The following PTPN2 variants were observed in gnomAD, a reference collection of about 807,000 sequenced individuals.
PTPN2 encodes protein tyrosine phosphatase non-receptor type 2, also known as tyrosine-protein phosphatase non-receptor type 2.
In PTPN2, 19 loss-of-function variants were observed where a neutral mutation model predicts 57.3. The ratio of observed to expected loss-of-function variants is 0.33; its 90% CI spans 0.23 to 0.49. The LOEUF is 0.49. Ranked by LOEUF, PTPN2 falls within the 20% of genes least tolerant of loss-of-function variation. The probability of loss-of-function intolerance (pLI) is 0.99; values close to 1 mark genes in which losing one functional copy is unlikely to be tolerated. For synonymous variants in PTPN2, 153 were observed against 164.9 expected (o/e 0.93, Z 0.55); for missense variants, 358 against 501.1 (o/e 0.71, Z 2.73).
rs140499343 is a variant in PTPN2 at position 12,800,248 on chromosome 18, A to G, written c.1040+1722T>C. Among the ~76,000 whole-genome samples, 46 of 152,238 alleles carry G rather than the reference A, an allele frequency of 3.0e-4. 2 individuals carry two copies. The East Asian group carries it at 8.7e-3, about 29-fold the overall frequency. On this transcript the variant is annotated intron_variant, in intron 8 of 8. Transcript: ENST00000309660. ...AGTGATTTAACTCACTAGGATTAAC[A>G]TGGTTGTTCTGAATCTTTGTAGATT...
At chr18:12,881,853 A>G (rs1282404448) in intron 1 of PTPN2, among the ~76,000 whole-genome samples, 1 of 152,158 alleles carries the variant, frequency 6.6e-6, no homozygotes, top group African/African-American at 2.4e-5. Context: ...CAGCTTACCT[A>G]TTTACAGGGC....
At chr18:12,802,282 A>G (rs910251256) in intron 7 of PTPN2, 131 bp from the exon 8 acceptor site, 16 of 734,574 alleles carry the variant, frequency 2.2e-5, no homozygotes, top group South Asian at 2.1e-4. Context: ...ATGAGTGAAA[A>G]AGAAAAAGGC....
intron 1 of PTPN2, among the ~76,000 whole-genome samples, chr18:12,867,329 T>C (rs1259211694): frequency 1.3e-5 from 2 of 151,304 alleles, no homozygotes; most frequent in Non-Finnish European, 2.9e-5. Flanking sequence ...AATAAATAAA[T>C]AAATAAATAA....
intron 6 of PTPN2, among the ~76,000 whole-genome samples, chr18:12,815,168 C>T (rs1598771433): frequency 6.6e-6 from 1 of 151,744 alleles, no homozygotes; most frequent in East Asian, 1.9e-4. Flanking sequence ...AATCCCAGCA[C>T]TTTGGGAGGC....
At chr18:12,788,952 C>A (rs1428229715), downstream of PTPN2, among the ~76,000 whole-genome samples, 2 of 152,042 alleles carry the variant, frequency 1.3e-5, no homozygotes, top group African/African-American at 2.4e-5. Context: ...ATAATACTAC[C>A]CAAAGAGGAG....
chr18:12,844,637 T>C (rs2043155503), intron 2 of PTPN2, among the ~76,000 whole-genome samples: 1 of 152,222 alleles, frequency 6.6e-6, no homozygotes, highest in Non-Finnish European at 1.5e-5. Flanking sequence ...GAGAGTTCTA[T>C]ATATAGTCCA....
intron 1 of PTPN2, chr18:12,883,794 C>A: frequency 3.2e-6 from 1 of 314,554 alleles, no homozygotes; most frequent in Non-Finnish European, 5.9e-6. Flanking sequence ...CACGCGCTCC[C>A]CAAGAAGCCG....
intron 1 of PTPN2, chr18:12,863,415 T>A (rs1302326767): frequency 1.3e-5 from 2 of 151,814 alleles, no homozygotes; most frequent in East Asian, 3.9e-4. Context: ...GCTAGCATCC[T>A]GCTACTGCAC....
downstream of PTPN2, among the ~76,000 whole-genome samples, chr18:12,788,548 C>T (rs542406564): frequency 6.7e-6 from 1 of 148,712 alleles, no homozygotes; most frequent in South Asian, 2.2e-4. Context: ...ACTGGGATTA[C>T]AGGAGTGAGT....
At chr18:12,877,253 G>A (rs1256229892) in intron 1 of PTPN2, among the ~76,000 whole-genome samples, 1 of 152,124 alleles carries the variant, frequency 6.6e-6, no homozygotes, top group African/African-American at 2.4e-5. Context: ...CACCCTCAAG[G>A]AGCTACACAG....
At chr18:12,875,209 C>T (rs2044445923) in intron 1 of PTPN2, among the ~76,000 whole-genome samples, 1 of 152,044 alleles carries the variant, frequency 6.6e-6, no homozygotes, top group African/African-American at 2.4e-5. Flanking sequence ...AAACCAGAGA[C>T]CTTTGTTCAC....
At chr18:12,836,753 A>G in intron 3 of PTPN2, 38 bp downstream of exon 3, 3 of 1,301,568 alleles carry the variant, frequency 2.3e-6, no homozygotes, top group Non-Finnish European at 2.2e-6. Context: ...GCACAAACAC[A>G]TCATTTTCAG....
chr18:12,870,441 G>GTATA (rs577107678), intron 1 of PTPN2, among the ~76,000 whole-genome samples: 2 of 24,576 alleles, frequency 8.1e-5, no homozygotes, highest in Admixed American at 6.6e-4. Flanking sequence ...ATATATATGT[G>GTATA]TATATATATA....
At chr18:12,817,897 T>C (rs1048237341) in intron 5 of PTPN2, among the ~76,000 whole-genome samples, 1 of 152,220 alleles carries the variant, frequency 6.6e-6, no homozygotes, top group Non-Finnish European at 1.5e-5. Context: ...TCCCAGCACT[T>C]TGGGAGGCCG....
At chr18:12,803,786 C>T (rs753566357) in intron 7 of PTPN2, among the ~76,000 whole-genome samples, 13 of 152,038 alleles carry the variant, frequency 8.6e-5, no homozygotes, top group Non-Finnish European at 1.8e-4. Flanking sequence ...AGCAGGAGAA[C>T]GCTACATCCC....
At chr18:12,838,786 G>T (rs1392276579) in intron 2 of PTPN2, among the ~76,000 whole-genome samples, 2 of 152,046 alleles carry the variant, frequency 1.3e-5, no homozygotes, top group Non-Finnish European at 2.9e-5. Flanking sequence ...AATGTTATTT[G>T]AGCCTGTATT....
At chr18:12,801,909 T>G (rs1310770500) in intron 8 of PTPN2, 61 bp downstream of exon 8, 1 of 1,436,358 alleles carries the variant, frequency 7.0e-7, no homozygotes. Flanking sequence ...CCTGGTCCCA[T>G]AAAATTTATT....
intron 1 of PTPN2, chr18:12,863,555 G>GGC (rs1251653022): frequency 6.9e-6 from 1 of 144,558 alleles, no homozygotes; most frequent in Non-Finnish European, 1.5e-5. Flanking sequence ...TTTTTTTGGG[G>GGC]GGGGGGGGGC....
At chr18:12,835,283 T>C (rs1360137246) in intron 3 of PTPN2, among the ~76,000 whole-genome samples, 2 of 151,976 alleles carry the variant, frequency 1.3e-5, no homozygotes, top group Non-Finnish European at 2.9e-5. Flanking sequence ...AAATTATTAC[T>C]AATGGTATAT....
Sources: gnomAD v4.1 joint callset for allele counts (sites outside exome capture counted in the v4.1 genomes callset) on GRCh38, gnomAD v4.1.1 for gene constraint, MANE v1.5 for transcripts, NCBI Gene and HGNC (gene_info 2026-07-23, HGNC 2026-07-21) for gene names.